ZNF674: variants seen among roughly 807,000 people sequenced by gnomAD.
ZNF674 encodes the protein zinc finger family member 674.
Under a neutral mutation model 7.0 loss-of-function variants are expected in ZNF674, and 2 were observed. The ratio of observed to expected loss-of-function variants is 0.29; its 90% CI spans 0.12 to 0.90. The LOEUF is 0.90. Among genes scored for constraint, ZNF674 ranks in the 40% least tolerant of loss-of-function variants. The pLI, the probability that ZNF674 is intolerant of heterozygous loss-of-function variation, is 0.57. For synonymous variants in ZNF674, 103 were observed against 145.2 expected (o/e 0.71, Z 2.09); for missense variants, 297 against 415.5 (o/e 0.71, Z 2.48).
At chrX:46,543,580 C>T (rs1942328722) in intron 2 of ZNF674, among the ~76,000 whole-genome samples, 2 of 111,115 alleles carry the variant, frequency 1.8e-5, no homozygotes, top group African/African-American at 6.5e-5. Context: ...TGCCTGCTTC[C>T]CTGCATCCAC....
At chrX:46,509,032 T>C (rs1344003264) in intron 5 of ZNF674, among the ~76,000 whole-genome samples, 1 of 110,151 alleles carries the variant, frequency 9.1e-6, no homozygotes. Context: ...AAACAAGCAA[T>C]GGGGAAAGGA....
At chrX:46,513,015 A>T (rs58617477) in intron 5 of ZNF674, among the ~76,000 whole-genome samples, 4,034 of 111,528 alleles carry the variant, frequency 0.036, 194 homozygotes, top group African/African-American at 0.12. Flanking sequence ...CTGTAATCCC[A>T]GCACTTTGGG....
At chrX:46,513,256 G>A (rs775979873) in intron 5 of ZNF674, among the ~76,000 whole-genome samples, 8 of 109,365 alleles carry the variant, frequency 7.3e-5, no homozygotes, top group Non-Finnish European at 9.5e-5. Context: ...GTGAGACTAC[G>A]TCTCAAAAAA....
At chrX:46,539,139 C>T (rs946290656) in intron 3 of ZNF674, among the ~76,000 whole-genome samples, 1 of 112,015 alleles carries the variant, frequency 8.9e-6, no homozygotes. Context: ...GAGCTGTGAT[C>T]GTGCCACCAT....
In ZNF674 at chrX:46,513,442, CTG is replaced by C. The variant is rs201241890; in HGVS notation, c.239-12109_239-12108del. The stretch of plus-strand genomic sequence containing the variant: ...TTACCAAAATTCAAAATCTATAATT[CTG>C]TGTGTGTGTGTACACGAGTCTAAAT... On this transcript the variant is annotated intron_variant, in intron 5 of 5. Coordinates refer to ENST00000683375, the MANE Select transcript of ZNF674 (RefSeq NM_001190417.2). Among the ~76,000 whole-genome samples, 677 of 111,282 alleles carry C rather than the reference CTG, an allele frequency of 6.1e-3. 8 individuals carry two copies. The highest frequency in any genetic ancestry group is 0.021 in the African/African-American group (651 of 30,703).
Position 46,500,875 on chromosome X carries a change from G to T in ZNF674, c.699C>A (p.Asn233Lys). The change falls in exon 6 of 6, where the codon AAC becomes AAA. Residue 233 changes from asparagine (N) to lysine (K), a missense_variant. Transcript: ENST00000683375. ...TGTGAGTTCTTTGATGTACAACTAAGTTTGCTTTCTGGATAAACACTTTTC... is the reference window on the plus strand; with the variant it reads ...TGTGAGTTCTTTGATGTACAACTAATTTTGCTTTCTGGATAAACACTTTTC... Reference protein sequence around the residue: ...ECGKVFIQKANLVVHQRTHTG... With the variant: ...ECGKVFIQKAKLVVHQRTHTG... 8.4e-7 allele frequency: 1 copy of T among 1,183,519 alleles called. No homozygotes were observed. Among genetic ancestry groups the T allele is most frequent in the Non-Finnish European group, 1.1e-6 (1 of 880,054 alleles).
chrX:46,504,897 T>G (rs1158867346), intron 5 of ZNF674, among the ~76,000 whole-genome samples: 2 of 109,670 alleles, frequency 1.8e-5, no homozygotes, highest in East Asian at 5.7e-4. Flanking sequence ...ATTTATTTAT[T>G]TATTTATTTT....
At chrX:46,542,786 G>A (rs1942315013) in intron 2 of ZNF674, among the ~76,000 whole-genome samples, 1 of 111,365 alleles carries the variant, frequency 9.0e-6, no homozygotes, top group Non-Finnish European at 1.9e-5. Flanking sequence ...AAAAAAATAT[G>A]ACACGTGCAA....
chrX:46,525,727 C>G (rs1222189981), intron 5 of ZNF674, among the ~76,000 whole-genome samples: 3 of 109,735 alleles, frequency 2.7e-5, no homozygotes, highest in Non-Finnish European at 5.6e-5. Flanking sequence ...AAATGTCAAG[C>G]TATCTACAAA....
chrX:46,542,644 T>C (rs1569485213), intron 2 of ZNF674, among the ~76,000 whole-genome samples: 1 of 110,391 alleles, frequency 9.1e-6, no homozygotes, highest in East Asian at 2.8e-4. Context: ...AGCCCAGGAG[T>C]GCGAGGTTAG....
chrX:46,504,488 A>G (rs1324889201), intron 5 of ZNF674, among the ~76,000 whole-genome samples: 1 of 109,744 alleles, frequency 9.1e-6, no homozygotes, highest in African/African-American at 3.3e-5. Flanking sequence ...GATTACAGGC[A>G]CCTGCTACCA....
Position 46,499,920 on chromosome X carries a change from C to T in ZNF674, c.1654G>A (p.Asp552Asn), listed in dbSNP as rs1941380880. 1 of 1,177,915 alleles carries T rather than the reference C, an allele frequency of 8.5e-7. No homozygotes were observed. The highest frequency in any genetic ancestry group is 1.1e-6 in the Non-Finnish European group (1 of 877,954). Residue 552 changes from aspartate to asparagine, a missense_variant, in exon 6 of 6, where the codon GAC (aspartate) becomes AAC (asparagine). Physicochemically the swap from Asp to Asn is conservative, Grantham distance 23 (BLOSUM62 1). Transcript: ENST00000683375. ...HTGEKPYECRDCGKAFSGKST... is the reference protein window; with the variant it reads ...HTGEKPYECRNCGKAFSGKST... ...TTCCCACTGAATGCTTTCCCACAGTCTCTGCATTCATAAGGTTTCTCTCCT... is the reference window on the plus strand; with the variant it reads ...TTCCCACTGAATGCTTTCCCACAGTTTCTGCATTCATAAGGTTTCTCTCCT...
Position 46,528,448 on chromosome X carries a change from G to C in ZNF674, c.143-3C>G, listed in dbSNP as rs1352461755. 1 of 1,203,337 alleles carries C rather than the reference G, an allele frequency of 8.3e-7. No individual in the cohort carries two copies. Among genetic ancestry groups the C allele is most frequent in the South Asian group, 1.8e-5 (1 of 56,800 alleles). The stretch of plus-strand genomic sequence containing the variant: ...ATCTGGCTTCCCAACTAGATGCCCT[G>C]TTTAGGGGACATGACATAGGACTTT... On this transcript the variant is annotated splice_polypyrimidine_tract_variant and splice_region_variant and intron_variant, in intron 4 of 5. Coordinates refer to ENST00000683375, the MANE Select transcript of ZNF674 (RefSeq NM_001190417.2).
chrX:46,519,832 C>A (rs1336645640), intron 5 of ZNF674, among the ~76,000 whole-genome samples: 3 of 111,156 alleles, frequency 2.7e-5, no homozygotes, highest in Non-Finnish European at 1.9e-5. Context: ...ACACTGGATA[C>A]AACCTAGATG....
At position 46,500,928 on chromosome X, in the gene ZNF674, C is replaced by T; in HGVS notation, c.646G>A (p.Glu216Lys). The stretch of plus-strand genomic sequence containing the variant: ...CATTCAGTACATTTGTAGAGTTTCT[C>T]CCCAGTTTGACTTCTCTGACTTTTT... ...LRKSQRSQTGEKLYKCTECGK... is the reference protein window; with the variant it reads ...LRKSQRSQTGKKLYKCTECGK... The change falls in exon 6 of 6, where the codon GAG (glutamate) becomes AAG (lysine). Residue 216 changes from glutamate (E) to lysine (K), a missense_variant. Glu to Lys is a moderately conservative substitution (Grantham distance 56). Transcript: ENST00000683375. 1 of 1,190,816 alleles carries T rather than the reference C, an allele frequency of 8.4e-7. No homozygotes were observed. Among genetic ancestry groups the T allele is most frequent in the Non-Finnish European group, 1.1e-6 (1 of 884,564 alleles).
chrX:46,505,189 G>A (rs1386881589), intron 5 of ZNF674, among the ~76,000 whole-genome samples: 1 of 111,776 alleles, frequency 8.9e-6, no homozygotes, highest in Non-Finnish European at 1.9e-5. Context: ...TGCCTGGCCT[G>A]TTTCTTTTAT....
chrX:46,508,995 C>T (rs1173334031), intron 5 of ZNF674, among the ~76,000 whole-genome samples: 7 of 110,728 alleles, frequency 6.3e-5, no homozygotes, highest in Non-Finnish European at 7.5e-5. Flanking sequence ...ATATCGACAA[C>T]TATCTGATCT....
chrX:46,502,195 A>G (rs1045412895), intron 5 of ZNF674, among the ~76,000 whole-genome samples: 16 of 107,721 alleles, frequency 1.5e-4, no homozygotes, highest in South Asian at 8.3e-4. Flanking sequence ...AATCCCAGCT[A>G]TTCAGGAGGC....
At chrX:46,503,566 A>T (rs1404607044) in intron 5 of ZNF674, among the ~76,000 whole-genome samples, 1 of 112,192 alleles carries the variant, frequency 8.9e-6, no homozygotes, top group East Asian at 2.8e-4. Flanking sequence ...ATTGCATTTT[A>T]AAAAAATCAG....
Sources: allele counts gnomAD v4.1 joint callset (sites outside exome capture counted in the v4.1 genomes callset), GRCh38; gene constraint gnomAD v4.1.1; transcripts MANE v1.5; gene names NCBI Gene and HGNC (gene_info 2026-07-23, HGNC 2026-07-21).